The following PTPRS variants were observed in gnomAD, a reference collection of about 807,000 sequenced individuals.
PTPRS encodes the protein protein tyrosine phosphatase receptor type S.
Under a neutral mutation model 215.3 loss-of-function variants are expected in PTPRS, and 63 were observed. That is an observed-to-expected ratio of 0.29 (90% CI 0.24 to 0.36). The LOEUF is 0.36. PTPRS is among the 10% of genes least tolerant of loss of function. The pLI is 1.00. For synonymous variants in PTPRS, 1,404 were observed against 1,191.4 expected (o/e 1.18, Z -3.68); for missense variants, 2,258 against 2,825.8 (o/e 0.80, Z 4.56).
At chr19:5,260,891 G>A (rs1352589934) in intron 6 of PTPRS, 69 bp from the exon 7 acceptor site, 2 of 1,568,984 alleles carry the variant, frequency 1.3e-6, no homozygotes, top group African/African-American at 2.7e-5. Context: ...GGGGCCCCAG[G>A]GAAGCTGGGC....
chr19:5,220,869 G>A (rs2041919396), intron 20 of PTPRS, 131 bp downstream of exon 20: 1 of 1,086,316 alleles, frequency 9.2e-7, no homozygotes, highest in East Asian at 2.4e-5. Flanking sequence ...ATGACCCCAT[G>A]AACTAGGGCT....
At position 5,225,763 on chromosome 19, in the gene PTPRS, G is replaced by C. The variant is rs1023625190; in HGVS notation, c.2458C>G (p.Arg820Gly). The change falls in exon 17 of 38, where the codon CGC becomes GGC. Residue 820 changes from arginine (R) to glycine (G), a missense_variant. By Grantham distance (125) the Arg-to-Gly change is moderately radical. Coordinates refer to ENST00000262963, the MANE Select transcript of PTPRS (RefSeq NM_002850.4). ...AAYTMKGDGA[R>G]SKPKVVVTKG... The stretch of plus-strand genomic sequence containing the variant: ...GTCACAACCACCTTGGGTTTGCTGC[G>C]AGCGCCATCGCCCTTCATGGTGTAG... 2 of 1,614,046 alleles carry C rather than the reference G, an allele frequency of 1.2e-6. No individual in the cohort carries two copies. The highest frequency in any genetic ancestry group is 1.1e-5 in the South Asian group (1 of 91,082).
intron 4 of PTPRS, among the ~76,000 whole-genome samples, chr19:5,265,696 AATG>A (rs940805181): frequency 7.3e-5 from 11 of 151,554 alleles, no homozygotes; most frequent in African/African-American, 2.4e-4. Context: ...AGCCAGGTAG[AATG>A]ATATTTCTCA....
At chr19:5,331,222 T>C (rs2050316468) in intron 1 of PTPRS, among the ~76,000 whole-genome samples, 1 of 150,924 alleles carries the variant, frequency 6.6e-6, no homozygotes, top group Non-Finnish European at 1.5e-5. Flanking sequence ...CCTCAAACTC[T>C]TAGGCTCAAG....
rs576020742 is a variant in PTPRS at position 5,273,324 on chromosome 19, G to A, written c.379+118C>T. ...TACTGGTTGGATAAGGGAGATCAAG[G>A]TCCTCCCAAAAAACACAAAGCAGGA... On this transcript the variant is annotated intron_variant, in intron 4 of 37. Transcript: ENST00000262963. 5 of 1,441,764 alleles carry A rather than the reference G, an allele frequency of 3.5e-6. No homozygotes were observed. In the South Asian group the frequency reaches 5.8e-5, roughly 17 times the overall value. The allele number at this position is 1,441,764 out of a possible 1,614,324, so 89.3% of individuals were successfully genotyped here. A position where few individuals can be genotyped will look rare whatever the true frequency, so the allele number is the denominator to read the frequency against.
At chr19:5,243,661 G>A (rs1366751933) in intron 11 of PTPRS, among the ~76,000 whole-genome samples, 2 of 152,050 alleles carry the variant, frequency 1.3e-5, no homozygotes, top group Admixed American at 6.5e-5. Flanking sequence ...TAGTAGAGAT[G>A]GGGTTTCACC....
intron 2 of PTPRS, among the ~76,000 whole-genome samples, chr19:5,280,823 G>A (rs1483547065): frequency 6.6e-6 from 1 of 150,886 alleles, no homozygotes; most frequent in African/African-American, 2.4e-5. Flanking sequence ...ATGGAGTCTC[G>A]CTCTGTTGCC....
At chr19:5,239,329 C>G (rs954826684) in intron 12 of PTPRS, among the ~76,000 whole-genome samples, 1 of 150,072 alleles carries the variant, frequency 6.7e-6, no homozygotes, top group Non-Finnish European at 1.5e-5. Context: ...GAGACAGAGA[C>G]AGAGAGAAAC....
rs1143699 is a variant in PTPRS, at chr19:5,210,751, G to A, written c.5289C>T (p.Asp1763=). 0.1 allele frequency: 161,314 copies of A among 1,614,040 alleles called. 9,106 individuals are homozygous for A. Among genetic ancestry groups the A allele is most frequent in the African/African-American group, 0.19 (14,550 of 75,012 alleles). ...TQGPLAETTE[D]FWRMLWENNS... is the part of the protein sequence containing the mutation. ...TGTTCTCCCACAGCATGCGCCAGAAGTCTTCCGTGGTCTCCGCCAGCGGCC... is the reference window on the plus strand; with the variant it reads ...TGTTCTCCCACAGCATGCGCCAGAAATCTTCCGTGGTCTCCGCCAGCGGCC... Residue 1763 remains aspartate, a synonymous_variant, in exon 34 of 38, where the codon GAC becomes GAT. Coordinates refer to ENST00000262963, the MANE Select transcript of PTPRS (RefSeq NM_002850.4). This position sits in a 1 kb window ranked among gnomAD's most constrained non-coding sequence, Gnocchi z 4.5.
At chr19:5,254,404 C>T (rs929670448) in intron 9 of PTPRS, among the ~76,000 whole-genome samples, 3 of 148,444 alleles carry the variant, frequency 2.0e-5, no homozygotes, top group African/African-American at 7.5e-5. Flanking sequence ...TAAAAATCTA[C>T]ACGGATATTT....
rs544263723 is a variant in PTPRS at position 5,215,705 on chromosome 19, G to A, written c.4097-110C>T. The A allele has an allele frequency of 4.8e-5, 38 of 794,362 alleles. No individual in the cohort carries two copies. In the East Asian group the frequency reaches 9.6e-4, roughly 20 times the overall value. 49.2% of individuals were successfully genotyped at this position (794,362 alleles called of 1,614,324 possible). A position where few individuals can be genotyped will look rare whatever the true frequency, so the allele number is the denominator to read the frequency against. On this transcript the variant is annotated intron_variant, in intron 26 of 37. Coordinates refer to ENST00000262963, the MANE Select transcript of PTPRS (RefSeq NM_002850.4). ...GTCTGCGATGGGTGAGCTGTGGTTA[G>A]AAGGGCATGGCCGGGGTGGGGCTTG...
intron 6 of PTPRS, among the ~76,000 whole-genome samples, chr19:5,261,129 T>C (rs1271529733): frequency 6.6e-6 from 1 of 152,050 alleles, no homozygotes; most frequent in Non-Finnish European, 1.5e-5. Context: ...GGCGTCTCTA[T>C]GCCCAGGGAA....
chr19:5,267,986 G>A (rs1189238232), intron 4 of PTPRS, among the ~76,000 whole-genome samples: 2 of 152,114 alleles, frequency 1.3e-5, no homozygotes, highest in Non-Finnish European at 2.9e-5. Flanking sequence ...TGGTGAACAT[G>A]GTGAAACCCC....
At chr19:5,211,228 TTC>T (rs2040848120) in intron 33 of PTPRS, among the ~76,000 whole-genome samples, 2 of 152,180 alleles carry the variant, frequency 1.3e-5, no homozygotes, top group Non-Finnish European at 2.9e-5. Flanking sequence ...CGCTGGATTG[TTC>T]TCTGAGACAA....
intron 1 of PTPRS, among the ~76,000 whole-genome samples, chr19:5,329,623 G>T (rs537961782): frequency 8.6e-5 from 13 of 151,968 alleles, no homozygotes; most frequent in Non-Finnish European, 1.8e-4. Context: ...AAATTAGCCG[G>T]GTGTAATAGT....
chr19:5,275,806 A>AAAAAAC (rs955536659), intron 2 of PTPRS, among the ~76,000 whole-genome samples: 3 of 152,058 alleles, frequency 2.0e-5, no homozygotes, highest in Admixed American at 6.5e-5. Flanking sequence ...ACTCCGTCTC[A>AAAAAAC]AAAAACAAAA....
intron 11 of PTPRS, 61 bp downstream of exon 11, chr19:5,243,840 A>G: frequency 7.7e-7 from 1 of 1,295,716 alleles, no homozygotes; most frequent in Non-Finnish European, 1.0e-6. Context: ...GCTTCCAGGG[A>G]GCATGCAAAG....
intron 2 of PTPRS, among the ~76,000 whole-genome samples, chr19:5,276,843 T>C (rs1042009393): frequency 2.6e-5 from 4 of 152,100 alleles, no homozygotes; most frequent in Admixed American, 6.5e-5. Context: ...GGCAGGTGAG[T>C]ATGCCTATTT....
chr19:5,331,412 C>T (rs1444860806), intron 1 of PTPRS, among the ~76,000 whole-genome samples: 1 of 152,138 alleles, frequency 6.6e-6, no homozygotes, highest in Admixed American at 6.5e-5. Flanking sequence ...GGATTATGGA[C>T]GTGAGCCACC....
Sources: gnomAD v4.1 joint callset for allele counts (sites outside exome capture counted in the v4.1 genomes callset) on GRCh38, gnomAD v4.1.1 for gene constraint, Gnocchi (gnomAD v3.1) non-coding constraint, MANE v1.5 for transcripts, NCBI Gene and HGNC (gene_info 2026-07-23, HGNC 2026-07-21) for gene names.